WNT9B: variants seen among roughly 807,000 people sequenced by gnomAD.
WNT9B encodes protein Wnt-9b.
A neutral mutation model predicts 30.2 loss-of-function variants in WNT9B; 12 were observed. The ratio of observed to expected loss-of-function variants is 0.40; its 90% CI spans 0.26 to 0.64. WNT9B has a LOEUF of 0.64. Ranked by LOEUF, WNT9B falls within the 30% of genes least tolerant of loss-of-function variation. The probability of loss-of-function intolerance (pLI) is 0.42; values close to 1 mark genes in which losing one functional copy is unlikely to be tolerated. For synonymous variants in WNT9B, 218 were observed against 216.9 expected (o/e 1.01, Z -0.05); for missense variants, 442 against 485.2 (o/e 0.91, Z 0.84).
At chr17:46,848,126 G>T (rs930391323), upstream of WNT9B, among the ~76,000 whole-genome samples, 1 of 152,106 alleles carries the variant, frequency 6.6e-6, no homozygotes, top group Non-Finnish European at 1.5e-5. Context: ...CTGTGTGAAC[G>T]TGTGGACCCA....
Position 46,834,481 on chromosome 17 carries a change from G to A in WNT9B, c.95+1041G>A, listed in dbSNP as rs185153838. 2.9e-4 allele frequency among the ~76,000 whole-genome samples: 44 copies of A among 152,312 alleles called. No homozygotes were observed. The East Asian group carries it at 8.3e-3, about 29-fold the overall frequency. On this transcript the variant is annotated intron_variant, in intron 1 of 2. Coordinates refer to the WNT9B transcript ENST00000575372. ...CTGCTAGGCCTGCCGAGGCATGGCT[G>A]GGCTTTACAACAGGGGGTACGGAGC...
chr17:46,882,163 T>A (rs182170515), downstream of WNT9B, among the ~76,000 whole-genome samples: 496 of 152,206 alleles, frequency 3.3e-3, 2 homozygotes, highest in African/African-American at 0.011. Flanking sequence ...CTCTAAAAAA[T>A]TAAAATTAAA....
At chr17:46,855,588 G>C (rs919203181) in intron 1 of WNT9B, among the ~76,000 whole-genome samples, 2 of 152,220 alleles carry the variant, frequency 1.3e-5, no homozygotes, top group Admixed American at 6.5e-5. Context: ...TTTTGGCTTT[G>C]AATGCCTAGG....
chr17:46,863,548 G>A (rs1453481815), intron 1 of WNT9B, among the ~76,000 whole-genome samples: 1 of 152,190 alleles, frequency 6.6e-6, no homozygotes, highest in African/African-American at 2.4e-5. Flanking sequence ...AGAGGGGGAT[G>A]GGGCTGGCAA....
At chr17:46,853,299 T>C (rs963451898) in intron 1 of WNT9B, among the ~76,000 whole-genome samples, 3 of 151,582 alleles carry the variant, frequency 2.0e-5, no homozygotes, top group Non-Finnish European at 4.4e-5. Flanking sequence ...AAGATTGAGC[T>C]AGTACATGTA....
chr17:46,842,811 G>A (rs528793818), intron 1 of WNT9B, among the ~76,000 whole-genome samples: 1 of 152,344 alleles, frequency 6.6e-6, no homozygotes, highest in South Asian at 2.1e-4. Context: ...CAGAAGCTAT[G>A]AGAAAATCAG....
upstream of WNT9B, among the ~76,000 whole-genome samples, chr17:46,847,594 C>A (rs2084790713): frequency 6.6e-6 from 1 of 152,224 alleles, no homozygotes; most frequent in Non-Finnish European, 1.5e-5. Flanking sequence ...CCCACACCCA[C>A]ACCAGTCCTG....
intron 1 of WNT9B, among the ~76,000 whole-genome samples, chr17:46,862,979 C>G (rs1385464724): frequency 6.6e-6 from 1 of 152,250 alleles, no homozygotes; most frequent in Admixed American, 6.5e-5. Flanking sequence ...TCCCCAGGAA[C>G]TGAGGTTCAG....
rs1598844659 is a variant in WNT9B, at chr17:46,857,696, T to C, written c.77+5981T>C. Among the ~76,000 whole-genome samples the C allele has an allele frequency of 2.0e-5, 3 of 152,298 alleles. No individual in the cohort carries two copies. In the South Asian group the frequency reaches 6.2e-4, roughly 32 times the overall value. ...GTGGTTTTACCATTTTACACAGTAATGTATGAGAGTTCCAGTTGCTCCATA... is the reference window on the plus strand; with the variant it reads ...GTGGTTTTACCATTTTACACAGTAACGTATGAGAGTTCCAGTTGCTCCATA... On this transcript the variant is annotated intron_variant, in intron 1 of 3. Coordinates refer to ENST00000290015, the MANE Select transcript of WNT9B (RefSeq NM_003396.3).
intron 1 of WNT9B, among the ~76,000 whole-genome samples, chr17:46,839,406 C>A (rs1026651107): frequency 1.3e-5 from 2 of 152,234 alleles, no homozygotes; most frequent in Non-Finnish European, 2.9e-5. Context: ...CCACTTTTTT[C>A]TCAGACACTT....
At chr17:46,839,369 C>G (rs554059569) in intron 1 of WNT9B, among the ~76,000 whole-genome samples, 1 of 152,206 alleles carries the variant, frequency 6.6e-6, no homozygotes, top group Non-Finnish European at 1.5e-5. Context: ...TAGCCCCTGG[C>G]GGGTCCAGGC....
At chr17:46,864,591 A>C (rs1022731279) in intron 1 of WNT9B, among the ~76,000 whole-genome samples, 4 of 152,182 alleles carry the variant, frequency 2.6e-5, no homozygotes, top group African/African-American at 7.2e-5. Flanking sequence ...CCAGGGGGTC[A>C]GAGGAGTCCT....
chr17:46,857,474 CAA>C (rs35196121), intron 1 of WNT9B, among the ~76,000 whole-genome samples: 84 of 94,652 alleles, frequency 8.9e-4, no homozygotes, highest in South Asian at 1.3e-3. Flanking sequence ...GACTCTGTCT[CAA>C]AAAAAAAAAA....
downstream of WNT9B, chr17:46,885,369 C>A: frequency 5.2e-6 from 1 of 192,562 alleles, no homozygotes; most frequent in Non-Finnish European, 1.1e-5. Flanking sequence ...CTGGCATGAT[C>A]TCTGCTCACT....
Position 46,876,842 on chromosome 17 carries a change from G to A in WNT9B, c.*124G>A. On this transcript the variant is annotated 3_prime_UTR_variant, in exon 4 of 4. Transcript: ENST00000290015. The stretch of plus-strand genomic sequence containing the variant: ...TGCATAAACCGGCATGTGTGCCAAT[G>A]CACACGAGTGTGCCACTCACCACCA... The A allele has an allele frequency of 1.4e-6, 2 of 1,430,126 alleles. No homozygotes were observed. Among genetic ancestry groups the A allele is most frequent in the Non-Finnish European group, 1.8e-6 (2 of 1,088,012 alleles). The allele number at this position is 1,430,126 out of a possible 1,614,324, so 88.6% of individuals were successfully genotyped here.
At chr17:46,858,840 A>AT (rs1261489459) in intron 1 of WNT9B, among the ~76,000 whole-genome samples, 1 of 151,754 alleles carries the variant, frequency 6.6e-6, no homozygotes, top group Non-Finnish European at 1.5e-5. Context: ...CTAATTTTTT[A>AT]TTTTTTTGTA....
chr17:46,849,127 G>C (rs113892556), upstream of WNT9B, among the ~76,000 whole-genome samples: 556 of 152,348 alleles, frequency 3.6e-3, 3 homozygotes, highest in African/African-American at 0.013. Flanking sequence ...CTAACATCAG[G>C]AGGAGGGAAC....
chr17:46,850,874 T>C (rs559502217), upstream of WNT9B, among the ~76,000 whole-genome samples: 4 of 152,044 alleles, frequency 2.6e-5, no homozygotes, highest in East Asian at 2.0e-4. Context: ...ACTGTCCACT[T>C]TGGATTTCTG....
chr17:46,880,963 A>G (rs1350652613), downstream of WNT9B, among the ~76,000 whole-genome samples: 1 of 152,198 alleles, frequency 6.6e-6, no homozygotes, highest in Non-Finnish European at 1.5e-5. Context: ...TCAGGGACCT[A>G]CAGTCTAATA....
Sources: gnomAD v4.1 joint callset for allele counts (sites outside exome capture counted in the v4.1 genomes callset) on GRCh38, gnomAD v4.1.1 for gene constraint, MANE v1.5 for transcripts, NCBI Gene and HGNC (gene_info 2026-07-23, HGNC 2026-07-21) for gene names.